The following PDZRN4 variants were observed in gnomAD, a reference collection of about 807,000 sequenced individuals.
The protein encoded by PDZRN4 is PDZ domain containing ring finger 4, also known as PDZ domain-containing RING finger protein 4.
A neutral mutation model predicts 99.0 loss-of-function variants in PDZRN4; 70 were observed. The ratio of observed to expected loss-of-function variants is 0.71; its 90% confidence interval spans 0.58 to 0.86. The LOEUF (loss-of-function observed/expected upper bound fraction) is 0.86, where lower values mean the gene tolerates loss of function less well. PDZRN4 is among the 40% of genes least tolerant of loss of function. The probability of loss-of-function intolerance (pLI) is 0.00; values close to 1 mark genes in which losing one functional copy is unlikely to be tolerated. For missense variants in PDZRN4, 1,474 were observed against 1,331.2 expected (o/e 1.11, Z -1.67); for synonymous variants, 551 against 501.6 (o/e 1.10, Z -1.32).
chr12:41,242,684 C>T (rs987957360), intron 3 of PDZRN4, among the ~76,000 whole-genome samples: 1 of 152,038 alleles, frequency 6.6e-6, no homozygotes, highest in African/African-American at 2.4e-5. Flanking sequence ...CAGGGTTTTG[C>T]CATATTGCCC....
chr12:41,500,289 G>A (rs935223586), intron 3 of PDZRN4, among the ~76,000 whole-genome samples: 1 of 151,856 alleles, frequency 6.6e-6, no homozygotes, highest in African/African-American at 2.4e-5. Flanking sequence ...TGGAGCTAAG[G>A]GAAGCTGCAA....
chr12:41,346,389 G>C (rs1951855210), intron 3 of PDZRN4, among the ~76,000 whole-genome samples: 1 of 152,158 alleles, frequency 6.6e-6, no homozygotes, highest in Non-Finnish European at 1.5e-5. Context: ...GTAAACCTGG[G>C]AGGCGGAGCT....
chr12:41,496,101 G>T (rs1018664280), intron 3 of PDZRN4, among the ~76,000 whole-genome samples: 2 of 152,034 alleles, frequency 1.3e-5, no homozygotes, highest in Non-Finnish European at 2.9e-5. Flanking sequence ...CTTCCACAAC[G>T]TTCAAATGGG....
chr12:41,379,739 AATT>A (rs1185571230), intron 3 of PDZRN4, among the ~76,000 whole-genome samples: 1 of 151,752 alleles, frequency 6.6e-6, no homozygotes, highest in Non-Finnish European at 1.5e-5. Flanking sequence ...GTCTTCTTGC[AATT>A]ATTAAGAGAT....
intron 3 of PDZRN4, among the ~76,000 whole-genome samples, chr12:41,319,401 T>A (rs1951659592): frequency 6.6e-6 from 1 of 152,054 alleles, no homozygotes; most frequent in Non-Finnish European, 1.5e-5. Flanking sequence ...GTGAGCTAGG[T>A]CACTGGGGGC....
Position 41,573,842 on chromosome 12 carries a change from A to G in PDZRN4, c.3063A>G (p.Pro1021=). Residue 1021 remains proline, a synonymous_variant, in exon 10 of 10, where the codon CCA becomes CCG. Coordinates refer to ENST00000402685, the MANE Select transcript of PDZRN4 (RefSeq NM_001164595.2). ...TGATGACCCATGGGGCCAAGTCTCC[A>G]GATGGCACGAGAGTCCATAATGCCT... ...QELMTHGAKS[P]DGTRVHNAFL... 6.3e-7 allele frequency: 1 copy of G among 1,599,186 alleles called. No homozygotes were observed. Among genetic ancestry groups the G allele is most frequent in the Non-Finnish European group, 8.5e-7 (1 of 1,173,936 alleles).
At position 41,227,595 on chromosome 12, in the gene PDZRN4, G is replaced by A. The variant is rs149168310; in HGVS notation, c.843+33407G>A. 5.2e-3 allele frequency among the ~76,000 whole-genome samples: 785 copies of A among 152,186 alleles called. 2 individuals carry two copies. Among genetic ancestry groups the A allele is most frequent in the Non-Finnish European group, 8.7e-3 (589 of 68,008 alleles). On this transcript the variant is annotated intron_variant, in intron 3 of 9. Coordinates refer to ENST00000402685, the MANE Select transcript of PDZRN4 (RefSeq NM_001164595.2). ...TGGGAGGATGGTTTGAGCCCAGGAGGTGGAGGTTGCAGTGTGTTAAGATCA... is the reference window on the plus strand; with the variant it reads ...TGGGAGGATGGTTTGAGCCCAGGAGATGGAGGTTGCAGTGTGTTAAGATCA...
chr12:41,538,223 A>C (rs574881474), intron 5 of PDZRN4, among the ~76,000 whole-genome samples: 47 of 152,230 alleles, frequency 3.1e-4, no homozygotes, highest in Non-Finnish European at 8.8e-5. Flanking sequence ...CCATCTTGAT[A>C]ATAACAGCAA....
intron 3 of PDZRN4, among the ~76,000 whole-genome samples, chr12:41,449,364 C>G (rs991699442): frequency 6.6e-6 from 1 of 152,094 alleles, no homozygotes; most frequent in South Asian, 2.1e-4. Flanking sequence ...GGTCAAAAAC[C>G]CTGTCTTCAA....
chr12:41,247,697 T>A (rs1951142067), intron 3 of PDZRN4, among the ~76,000 whole-genome samples: 3 of 152,192 alleles, frequency 2.0e-5, no homozygotes. Flanking sequence ...TGTAACAATT[T>A]TTTTAAAGTG....
intron 3 of PDZRN4, among the ~76,000 whole-genome samples, chr12:41,255,179 G>A (rs574977725): frequency 4.2e-4 from 64 of 152,300 alleles, no homozygotes; most frequent in African/African-American, 1.4e-3. Flanking sequence ...TGAGACAGGT[G>A]TAGTGGGGCC....
intron 3 of PDZRN4, among the ~76,000 whole-genome samples, chr12:41,372,174 T>C (rs1353037609): frequency 6.6e-6 from 1 of 152,136 alleles, no homozygotes; most frequent in Non-Finnish European, 1.5e-5. Context: ...ATCCTTCAAG[T>C]GCTTCACATT....
In PDZRN4 at chr12:41,547,603, C is replaced by T. The variant is rs575042933; in HGVS notation, c.1204-5053C>T. On this transcript the variant is annotated intron_variant, in intron 5 of 9. Transcript: ENST00000402685. ...TCATATCACTGCATTCCAGCCTGGG[C>T]GACAGAGTGAGACTCTGTCTCAAAA... 1.3e-4 allele frequency among the ~76,000 whole-genome samples: 19 copies of T among 151,884 alleles called. No homozygotes were observed. In the East Asian group the frequency reaches 2.1e-3, roughly 17 times the overall value.
chr12:41,571,044 C>T (rs553928565), intron 9 of PDZRN4, among the ~76,000 whole-genome samples: 3 of 151,948 alleles, frequency 2.0e-5, no homozygotes, highest in East Asian at 1.9e-4. Flanking sequence ...TTTTGTCACC[C>T]GTTCTATCCT....
At chr12:41,514,128 G>A (rs1592092605) in intron 5 of PDZRN4, among the ~76,000 whole-genome samples, 1 of 152,016 alleles carries the variant, frequency 6.6e-6, no homozygotes, top group East Asian at 1.9e-4. Context: ...TATTAAAAGT[G>A]GAAAAGAGAG....
chr12:41,233,550 A>T (rs1374580575), intron 3 of PDZRN4, among the ~76,000 whole-genome samples: 6 of 152,186 alleles, frequency 3.9e-5, no homozygotes, highest in African/African-American at 9.7e-5. Context: ...AATGTCCAAC[A>T]ACGATAGACT....
chr12:41,391,692 A>G (rs1473382817), intron 3 of PDZRN4, among the ~76,000 whole-genome samples: 2 of 152,186 alleles, frequency 1.3e-5, no homozygotes. Context: ...CTCCTCCCCC[A>G]ATCACTAGTT....
intron 3 of PDZRN4, among the ~76,000 whole-genome samples, chr12:41,284,227 A>G (rs1951407403): frequency 6.6e-6 from 1 of 152,222 alleles, no homozygotes; most frequent in African/African-American, 2.4e-5. Context: ...ACAGACAAAC[A>G]AAGAGCCAAA....
chr12:41,506,860 T>C (rs918757199), intron 4 of PDZRN4, 148 bp downstream of exon 4: 20 of 827,056 alleles, frequency 2.4e-5, no homozygotes, highest in Admixed American at 2.3e-4. Flanking sequence ...CCTGTTTTGA[T>C]ATGTGCAATT....
Sources: gnomAD v4.1 joint callset for allele counts (sites outside exome capture counted in the v4.1 genomes callset) on GRCh38, gnomAD v4.1.1 for gene constraint, MANE v1.5 for transcripts, NCBI Gene and HGNC (gene_info 2026-07-23, HGNC 2026-07-21) for gene names.